The following PTCHD4 variants were observed in gnomAD, a reference collection of about 807,000 sequenced individuals.
PTCHD4 encodes the protein patched domain-containing protein 4.
A neutral mutation model predicts 58.1 loss-of-function variants in PTCHD4; 33 were observed. The ratio of observed to expected loss-of-function variants is 0.57; its 90% CI spans 0.43 to 0.76. The LOEUF is 0.76. Among genes scored for constraint, PTCHD4 ranks in the 30% least tolerant of loss-of-function variants. The probability of loss-of-function intolerance (pLI) is 0.00; values close to 1 mark genes in which losing one functional copy is unlikely to be tolerated. For missense variants in PTCHD4, 1,058 were observed against 1,027.1 expected, an observed-to-expected ratio of 1.03 and a Z score of -0.41; for synonymous variants, 478 against 409.6, an observed-to-expected ratio of 1.17 and a Z score of -2.02.
At chr6:48,103,762 T>C (rs1250834160) in intron 1 of PTCHD4, among the ~76,000 whole-genome samples, 2 of 152,080 alleles carry the variant, frequency 1.3e-5, no homozygotes, top group East Asian at 1.9e-4. Context: ...TTAAAGGAAC[T>C]GATGGAGCTG....
chr6:48,095,343 TCTC>T (rs1296188539), intron 1 of PTCHD4, among the ~76,000 whole-genome samples: 2 of 152,178 alleles, frequency 1.3e-5, no homozygotes, highest in Non-Finnish European at 2.9e-5. Context: ...GGATATCTCT[TCTC>T]CTTGTGGAAC....
chr6:47,977,110 C>T (rs2114001661), intron 4 of PTCHD4, among the ~76,000 whole-genome samples: 1 of 152,244 alleles, frequency 6.6e-6, no homozygotes, highest in South Asian at 2.1e-4. Context: ...TAATTGTGTA[C>T]TCTGTTTTAC....
Position 47,870,194 on chromosome 6 carries a change from A to T in PTCHD4, c.*8109T>A, listed in dbSNP as rs1374759925. 3.3e-5 allele frequency among the ~76,000 whole-genome samples: 5 copies of T among 151,672 alleles called. No homozygotes were observed. The highest frequency in any genetic ancestry group is 5.9e-5 in the Non-Finnish European group (4 of 67,742). ...TTTGCCTAGTGGCACTGTAGTAAAT[A>T]TGATTTTGATGACTTTTTTTTCCAA... On this transcript the variant is annotated 3_prime_UTR_variant, in exon 5 of 5. Transcript: ENST00000339488.
intron 4 of PTCHD4, among the ~76,000 whole-genome samples, chr6:47,958,502 C>T (rs1380336595): frequency 3.3e-5 from 5 of 152,178 alleles, no homozygotes; most frequent in Admixed American, 2.6e-4. Context: ...ATCATTGCCT[C>T]GAGAGAGTTT....
intron 4 of PTCHD4, among the ~76,000 whole-genome samples, chr6:47,992,897 T>C (rs1310803855): frequency 6.6e-6 from 1 of 152,126 alleles, no homozygotes; most frequent in Non-Finnish European, 1.5e-5. Flanking sequence ...GAAAAATGAA[T>C]AGCATTGTAT....
intron 4 of PTCHD4, among the ~76,000 whole-genome samples, chr6:47,930,009 T>C (rs1358289975): frequency 6.6e-6 from 1 of 152,230 alleles, no homozygotes; most frequent in African/African-American, 2.4e-5. Context: ...AGTAAGAAAC[T>C]TGTTCTGCAG....
In PTCHD4 at chr6:47,861,851, G is replaced by C. The variant is rs139995421; in HGVS notation, c.*16452C>G. ...TTTGTACATCACTTGGCACATTATA[G>C]GTTCTTAATCCATGTTTGTTGGATG... On this transcript the variant is annotated 3_prime_UTR_variant, in exon 5 of 5. Transcript: ENST00000339488. Among the ~76,000 whole-genome samples, 1 of 151,972 alleles carries C rather than the reference G, an allele frequency of 6.6e-6. No homozygotes were observed. Among genetic ancestry groups the C allele is most frequent in the East Asian group, 1.9e-4 (1 of 5,150 alleles).
intron 4 of PTCHD4, among the ~76,000 whole-genome samples, chr6:47,981,150 T>C (rs1307013788): frequency 1.3e-5 from 2 of 152,184 alleles, no homozygotes; most frequent in Non-Finnish European, 2.9e-5. Flanking sequence ...ATATTTCTAT[T>C]TTTTCTTCAG....
At chr6:47,933,047 C>T (rs1765877573) in intron 4 of PTCHD4, among the ~76,000 whole-genome samples, 2 of 152,160 alleles carry the variant, frequency 1.3e-5, no homozygotes, top group Non-Finnish European at 2.9e-5. Context: ...CTTGCTGCTG[C>T]ACTTGTGATC....
At chr6:47,912,166 A>C (rs551452694) in intron 4 of PTCHD4, among the ~76,000 whole-genome samples, 1 of 152,184 alleles carries the variant, frequency 6.6e-6, no homozygotes, top group African/African-American at 2.4e-5. Flanking sequence ...GGTTTTGCTC[A>C]AGGGACAAAA....
Position 47,887,099 on chromosome 6 carries a change from G to T in PTCHD4, c.899-7163C>A, listed in dbSNP as rs200376681. ...ATGTTTTTAAAACTGAATTGGCCAT[G>T]ATCTACATGTAGAAATTTTAAAGAT... On this transcript the variant is annotated intron_variant, in intron 4 of 4. Transcript: ENST00000339488. 1.9e-4 allele frequency among the ~76,000 whole-genome samples: 29 copies of T among 151,976 alleles called. No homozygotes were observed. In the East Asian group the frequency reaches 4.3e-3, roughly 22 times the overall value.
At chr6:48,072,633 C>A (rs1474127934) in intron 1 of PTCHD4, among the ~76,000 whole-genome samples, 1 of 152,064 alleles carries the variant, frequency 6.6e-6, no homozygotes, top group African/African-American at 2.4e-5. Flanking sequence ...GCTTCTAATC[C>A]CTGACAGAGC....
At chr6:47,905,347 G>A (rs1294664342) in intron 4 of PTCHD4, among the ~76,000 whole-genome samples, 1 of 152,174 alleles carries the variant, frequency 6.6e-6, no homozygotes, top group East Asian at 1.9e-4. Flanking sequence ...GAGCTGGTTT[G>A]CAGTGGCTTA....
Position 48,068,721 on chromosome 6 carries a change from T to A in PTCHD4, c.6-80A>T. 1.7e-6 allele frequency: 2 copies of A among 1,201,800 alleles called. No individual in the cohort carries two copies. Among genetic ancestry groups the A allele is most frequent in the African/African-American group, 3.4e-5 (1 of 29,174 alleles). The allele number at this position is 1,201,800 out of a possible 1,614,324, so 74.4% of individuals were successfully genotyped here. A position where few individuals can be genotyped will look rare whatever the true frequency, so the allele number is the denominator to read the frequency against. ...CCCACCCCCTGGGGCCAGTCCCCCC[T>A]CCCCACCGCCGCCGCCTCCCCACCC... On this transcript the variant is annotated intron_variant, in intron 2 of 4. Coordinates refer to ENST00000339488, the MANE Select transcript of PTCHD4 (RefSeq NM_001384253.1). The surrounding 1 kb of genome is among the most constrained non-coding windows in gnomAD (Gnocchi z 4.2).
At chr6:48,070,171 A>T (rs924372058) in intron 1 of PTCHD4, among the ~76,000 whole-genome samples, 29 of 149,866 alleles carry the variant, frequency 1.9e-4, no homozygotes, top group East Asian at 2.0e-4. Flanking sequence ...ATATATATGA[A>T]TTTTTTAGGG....
intron 3 of PTCHD4, among the ~76,000 whole-genome samples, chr6:48,012,076 A>T (rs1208479597): frequency 6.6e-6 from 1 of 152,288 alleles, no homozygotes; most frequent in Middle Eastern, 3.4e-3. Context: ...TTCCATATGA[A>T]CTTTAAAGTA....
rs1763367942 is a variant in PTCHD4, at chr6:47,859,350, A to G, written c.*18953T>C. On this transcript the variant is annotated 3_prime_UTR_variant, in exon 5 of 5. Transcript: ENST00000339488. ...TCTTTTGTTAAAGTTTAAGCTACTG[A>G]TAAATATTTAAGGGAGTGCAGGGGT... Among the ~76,000 whole-genome samples, 1 of 152,026 alleles carries G rather than the reference A, an allele frequency of 6.6e-6. No homozygotes were observed. The highest frequency in any genetic ancestry group is 2.4e-5 in the African/African-American group (1 of 41,430).
At chr6:48,057,525 C>T (rs1029190605) in intron 3 of PTCHD4, among the ~76,000 whole-genome samples, 2 of 152,176 alleles carry the variant, frequency 1.3e-5, no homozygotes, top group African/African-American at 4.8e-5. Context: ...ACTAAGGGAA[C>T]TACCTACCTC....
intron 4 of PTCHD4, among the ~76,000 whole-genome samples, chr6:47,904,393 C>T (rs1764811458): frequency 6.6e-6 from 1 of 152,226 alleles, no homozygotes; most frequent in South Asian, 2.1e-4. Flanking sequence ...TGTTGGAACA[C>T]AGTCACACTC....
Sources: gnomAD v4.1 joint callset for allele counts (sites outside exome capture counted in the v4.1 genomes callset) on GRCh38, gnomAD v4.1.1 for gene constraint, Gnocchi (gnomAD v3.1) non-coding constraint, MANE v1.5 for transcripts, NCBI Gene and HGNC (gene_info 2026-07-23, HGNC 2026-07-21) for gene names.